Variants in SLC25A28 observed in about 807,000 individuals in gnomAD.
SLC25A28 encodes the protein mitoferrin-2.
A neutral mutation model predicts 31.9 loss-of-function variants in SLC25A28; 10 were observed. The observed-to-expected ratio is 0.31, with a 90% CI of 0.19 to 0.53. The LOEUF (loss-of-function observed/expected upper bound fraction) is 0.53, where lower values mean the gene tolerates loss of function less well. Among genes scored for constraint, SLC25A28 ranks in the 20% least tolerant of loss-of-function variants. SLC25A28 has a pLI of 0.95. For synonymous variants in SLC25A28, 208 were observed against 203.6 expected, an observed-to-expected ratio of 1.02 and a Z score of -0.19; for missense variants, 256 against 490.3, an observed-to-expected ratio of 0.52 and a Z score of 4.51.
At chr10:99,618,540 T>C (rs1181444319) in intron 1 of SLC25A28, 3 of 985,298 alleles carry the variant, frequency 3.0e-6, no homozygotes, top group African/African-American at 1.7e-5. Flanking sequence ...ACATATAATG[T>C]GTGCATCTTT....
the SLC25A28 span, among the ~76,000 whole-genome samples, chr10:99,628,872 T>C: frequency 6.6e-6 from 1 of 152,122 alleles, no homozygotes; most frequent in Non-Finnish European, 1.5e-5. Flanking sequence ...ATAACAACCA[T>C]TAGCAAGAAA....
chr10:99,640,206 A>G, the SLC25A28 span, among the ~76,000 whole-genome samples: 1 of 152,254 alleles, frequency 6.6e-6, no homozygotes, highest in East Asian at 1.9e-4. Flanking sequence ...TTAAAACAAT[A>G]AATATTAATT....
intron 1 of SLC25A28, chr10:99,615,871 TTTGGC>T: frequency 1.0e-6 from 1 of 985,458 alleles, no homozygotes; most frequent in Non-Finnish European, 1.2e-6. Flanking sequence ...CAATGGTGTA[TTTGGC>T]TACCAATTCT....
intron 1 of SLC25A28, chr10:99,618,989 T>C: frequency 2.0e-6 from 2 of 985,476 alleles, no homozygotes; most frequent in Non-Finnish European, 2.4e-6. Context: ...TCGGTCTTTG[T>C]CATATCAACA....
At position 99,610,534 on chromosome 10, in the gene SLC25A28, G is replaced by C. The variant is rs545033597; in HGVS notation, c.*315C>G. 7 of 290,440 alleles carry C rather than the reference G, an allele frequency of 2.4e-5. No individual in the cohort carries two copies. In the East Asian group the frequency reaches 2.5e-4, roughly 10 times the overall value. The allele number at this position is 290,440 out of a possible 1,614,324, so 18.0% of individuals were successfully genotyped here. ...CCCAATGAAACCATTTAATTTAAAG[G>C]CTTTTTATTAGGAACCAGGGGAATG... On this transcript the variant is annotated 3_prime_UTR_variant, in exon 4 of 4. Coordinates refer to ENST00000370495, the MANE Select transcript of SLC25A28 (RefSeq NM_031212.4).
chr10:99,625,166 CT>C (rs369231897), upstream of SLC25A28, among the ~76,000 whole-genome samples: 165 of 147,716 alleles, frequency 1.1e-3, no homozygotes, highest in African/African-American at 1.4e-3. Context: ...GGTGTTATAG[CT>C]CATAAAGATA....
upstream of SLC25A28, among the ~76,000 whole-genome samples, chr10:99,624,652 T>C (rs908129819): frequency 3.9e-5 from 6 of 152,098 alleles, no homozygotes; most frequent in East Asian, 5.8e-4. Context: ...CTGGCCAACA[T>C]GGTGAAACCC....
In SLC25A28 at chr10:99,613,055, G is replaced by C. The variant is rs192017271; in HGVS notation, c.521-456C>G. Among the ~76,000 whole-genome samples the C allele has an allele frequency of 2.7e-4, 41 of 152,244 alleles. No individual in the cohort carries two copies. In the East Asian group the frequency reaches 4.4e-3, roughly 17 times the overall value. ...GCAGAGCCTAACATTTGTCTACAAAGATCTTTCGTTCAGGTCCTGAACTAC... is the reference window on the plus strand; with the variant it reads ...GCAGAGCCTAACATTTGTCTACAAACATCTTTCGTTCAGGTCCTGAACTAC... On this transcript the variant is annotated intron_variant, in intron 2 of 3. Transcript: ENST00000370495. The surrounding 1 kb of genome is among the most constrained non-coding windows in gnomAD (Gnocchi z 4.9).
rs756005490 is a variant in SLC25A28, at chr10:99,613,753, A to G, written c.463T>C (p.Leu155=). The change falls in exon 2 of 4, where the codon TTA becomes CTA. Residue 155 remains leucine, a synonymous_variant. Coordinates refer to ENST00000370495, the MANE Select transcript of SLC25A28 (RefSeq NM_031212.4). This position sits in a 1 kb window ranked among gnomAD's most constrained non-coding sequence, Gnocchi z 4.9. Reference sequence around the variant, plus strand: ...ATTACATCACTCAATGTCTTTTTTAACTTTTCGTAGCAGGCAAAATAAAGG... The same window carrying G: ...ATTACATCACTCAATGTCTTTTTTAGCTTTTCGTAGCAGGCAAAATAAAGG... ...HALYFACYEK[L]KKTLSDVIHP... 1.2e-6 allele frequency: 2 copies of G among 1,614,126 alleles called. No homozygotes were observed. The highest frequency in any genetic ancestry group is 8.5e-7 in the Non-Finnish European group (1 of 1,180,020).
At chr10:99,643,352 T>A in the SLC25A28 span, among the ~76,000 whole-genome samples, 6 of 152,136 alleles carry the variant, frequency 3.9e-5, no homozygotes, top group East Asian at 1.9e-4. Context: ...GTTTATTTCC[T>A]TAGAGGTGTT....
chr10:99,655,486 C>A, the SLC25A28 span, among the ~76,000 whole-genome samples: 5 of 152,284 alleles, frequency 3.3e-5, no homozygotes, highest in East Asian at 7.7e-4. Context: ...ACACCTTGAA[C>A]TCCTGGCCTC....
chr10:99,635,073 G>A, the SLC25A28 span, among the ~76,000 whole-genome samples: 1 of 152,198 alleles, frequency 6.6e-6, no homozygotes, highest in Non-Finnish European at 1.5e-5. Flanking sequence ...GAAAGATACA[G>A]CCTTTTTCAG....
chr10:99,638,731 A>G, the SLC25A28 span, among the ~76,000 whole-genome samples: 2 of 152,366 alleles, frequency 1.3e-5, no homozygotes, highest in South Asian at 4.1e-4. Context: ...CAAAACCACA[A>G]TGTGATACCA....
chr10:99,620,252 C>T lies in SLC25A28; in HGVS notation c.84G>A (p.Leu28=), dbSNP rs1056425648. Residue 28 remains leucine, a synonymous_variant, in exon 1 of 4, where the codon CTG becomes CTA. Transcript: ENST00000370495. The part of the protein sequence containing the change: ...GPGRSPGESA[L]LDGWLQRGVG... ...CGCCCCGCTGCAGCCACCCGTCCAG[C>T]AGCGCCGACTCCCCGGGGCTCCGCC... The T allele has an allele frequency of 5.4e-6, 7 of 1,291,314 alleles. No individual in the cohort carries two copies. The highest frequency in any genetic ancestry group is 3.0e-4 in the Middle Eastern group (1 of 3,354). The allele number at this position is 1,291,314 out of a possible 1,614,324, so 80.0% of individuals were successfully genotyped here. A position where few individuals can be genotyped will look rare whatever the true frequency, so the allele number is the denominator to read the frequency against.
At chr10:99,616,492 G>C in intron 1 of SLC25A28, 1 of 984,604 alleles carries the variant, frequency 1.0e-6, no homozygotes, top group South Asian at 4.7e-5. Context: ...ACAGATCATG[G>C]TAGCATTGCC....
At chr10:99,640,457 T>C in the SLC25A28 span, among the ~76,000 whole-genome samples, 1 of 152,232 alleles carries the variant, frequency 6.6e-6, no homozygotes, top group Admixed American at 6.5e-5. Flanking sequence ...TTGTACGTCT[T>C]TTGATTATAT....
chr10:99,611,998 C>T lies in SLC25A28; in HGVS notation c.577+545G>A, dbSNP rs748597321. On this transcript the variant is annotated intron_variant, in intron 3 of 3. Transcript: ENST00000370495. This position sits in a 1 kb window ranked among gnomAD's most constrained non-coding sequence, Gnocchi z 5.5. ...CCCAGACAGAAAATGAACGTGGCAA[C>T]AATGCTATCCCTTCATATTTGCTCA... Among the ~76,000 whole-genome samples, 5 of 152,172 alleles carry T rather than the reference C, an allele frequency of 3.3e-5. No homozygotes were observed. Among genetic ancestry groups the T allele is most frequent in the Non-Finnish European group, 5.9e-5 (4 of 68,038 alleles).
chr10:99,619,936 A>T, intron 1 of SLC25A28, 109 bp downstream of exon 1: 1 of 1,178,154 alleles, frequency 8.5e-7, no homozygotes, highest in Non-Finnish European at 1.1e-6. Context: ...GGCAGGAGCC[A>T]GGAAGGAACC....
At chr10:99,633,629 A>G in the SLC25A28 span, among the ~76,000 whole-genome samples, 30 of 145,048 alleles carry the variant, frequency 2.1e-4, no homozygotes, top group Non-Finnish European at 3.9e-4. Flanking sequence ...ATCGCATGCC[A>G]TTGCACTCCA....
Sources: gnomAD v4.1 joint callset for allele counts (sites outside exome capture counted in the v4.1 genomes callset) on GRCh38, gnomAD v4.1.1 for gene constraint, Gnocchi (gnomAD v3.1) non-coding constraint, MANE v1.5 for transcripts, NCBI Gene and HGNC (gene_info 2026-07-23, HGNC 2026-07-21) for gene names.